Variants in LARP4B observed in about 807,000 individuals in gnomAD.
LARP4B encodes the protein La ribonucleoprotein 4B.
In LARP4B, 12 loss-of-function variants were observed where a neutral mutation model predicts 89.8. The ratio of observed to expected loss-of-function variants is 0.13; its 90% CI spans 0.09 to 0.22. The LOEUF is 0.22. Ranked by LOEUF, LARP4B falls within the 10% of genes least tolerant of loss-of-function variation. LARP4B has a pLI of 1.00. For missense variants in LARP4B, 757 were observed against 947.7 expected, an observed-to-expected ratio of 0.80 and a Z score of 2.64; for synonymous variants, 367 against 363.3, an observed-to-expected ratio of 1.01 and a Z score of -0.12.
the LARP4B span, among the ~76,000 whole-genome samples, chr10:948,405 A>G: frequency 6.6e-6 from 1 of 151,972 alleles, no homozygotes; most frequent in Non-Finnish European, 1.5e-5. Context: ...CACCACCACA[A>G]CTGACTAATT....
the LARP4B span, among the ~76,000 whole-genome samples, chr10:956,977 G>T: frequency 6.6e-6 from 1 of 152,146 alleles, no homozygotes; most frequent in Non-Finnish European, 1.5e-5. This position sits in a 1 kb window ranked among gnomAD's most constrained non-coding sequence, Gnocchi z 4.3. Context: ...GAGACGCGGT[G>T]AACAGTTTGC....
At chr10:825,704 C>A in intron 12 of LARP4B, 60 bp downstream of exon 12, 1 of 1,135,646 alleles carries the variant, frequency 8.8e-7, no homozygotes, top group East Asian at 2.4e-5. Flanking sequence ...CTCTCTCATC[C>A]CAACTCCGGA....
At chr10:846,035 T>C (rs1336345823) in intron 5 of LARP4B, among the ~76,000 whole-genome samples, 1 of 152,068 alleles carries the variant, frequency 6.6e-6, no homozygotes, top group Non-Finnish European at 1.5e-5. Flanking sequence ...AAACCAAAAC[T>C]GCTAAAGTAA....
chr10:955,915 C>G, the LARP4B span, among the ~76,000 whole-genome samples: 1 of 152,148 alleles, frequency 6.6e-6, no homozygotes, highest in South Asian at 2.1e-4. This position sits in a 1 kb window ranked among gnomAD's most constrained non-coding sequence, Gnocchi z 5.2. Flanking sequence ...ACTGTTTCCC[C>G]TCTCACGCCC....
At chr10:971,129 A>AT in the LARP4B span, 2 of 152,290 alleles carry the variant, frequency 1.3e-5, no homozygotes, top group East Asian at 1.9e-4. Flanking sequence ...TTGGAACAGA[A>AT]TTTTTTCCTC....
intron 1 of LARP4B, among the ~76,000 whole-genome samples, chr10:895,824 G>A (rs572003413): frequency 1.3e-5 from 2 of 152,210 alleles, no homozygotes; most frequent in Admixed American, 1.3e-4. Flanking sequence ...AATTTTATAA[G>A]TACGTAAAAA....
Position 829,693 on chromosome 10 carries a change from T to C in LARP4B, c.903A>G (p.Gly301=). Residue 301 remains glycine (G), a synonymous_variant, in exon 10 of 18, where the codon GGA becomes GGG. Coordinates refer to ENST00000316157, the MANE Select transcript of LARP4B (RefSeq NM_015155.3). ...TGGTCTTGCTTACCTTAATTGGTTT[T>C]CCTTGAAAAGTTTTGACTTCTTCTC... is the stretch of plus-strand genomic sequence containing the variant. ...YLREEVKTFQ[G]KPIKARIKAK... The C allele has an allele frequency of 6.2e-7, 1 of 1,612,942 alleles. No homozygotes were observed. Among genetic ancestry groups the C allele is most frequent in the Non-Finnish European group, 8.5e-7 (1 of 1,178,988 alleles).
chr10:815,323 T>A, intron 15 of LARP4B: 1 of 319,026 alleles, frequency 3.1e-6, no homozygotes, highest in Non-Finnish European at 5.7e-6. Context: ...CCCGCAATGA[T>A]GATCTACAAG....
intron 1 of LARP4B, among the ~76,000 whole-genome samples, chr10:915,600 C>T (rs916175840): frequency 6.6e-5 from 10 of 152,156 alleles, no homozygotes; most frequent in African/African-American, 1.4e-4. Flanking sequence ...GTCAGGAGAT[C>T]GAGACCATCC....
At chr10:958,366 C>T in the LARP4B span, among the ~76,000 whole-genome samples, 807 of 152,332 alleles carry the variant, frequency 5.3e-3, 2 homozygotes, top group African/African-American at 0.017. Context: ...CACCTTGTTC[C>T]TCACGCTCAG....
intron 1 of LARP4B, among the ~76,000 whole-genome samples, chr10:893,044 G>A (rs1836081092): frequency 6.6e-6 from 1 of 151,208 alleles, no homozygotes. Flanking sequence ...CTGAATAGCT[G>A]GGATTACAGG....
intron 5 of LARP4B, among the ~76,000 whole-genome samples, chr10:863,374 C>A (rs189201425): frequency 6.6e-6 from 1 of 152,254 alleles, no homozygotes; most frequent in African/African-American, 2.4e-5. Context: ...AGGCGCCCGC[C>A]ACCACGCCCA....
the LARP4B span, among the ~76,000 whole-genome samples, chr10:975,049 C>T: frequency 6.6e-6 from 1 of 152,234 alleles, no homozygotes; most frequent in African/African-American, 2.4e-5. Context: ...TGTGTGTCCA[C>T]TAGTCACCAC....
intron 3 of LARP4B, among the ~76,000 whole-genome samples, chr10:876,782 C>A (rs1357009485): frequency 6.6e-6 from 1 of 152,200 alleles, no homozygotes; most frequent in Non-Finnish European, 1.5e-5. Flanking sequence ...TTTCTGCTTG[C>A]CATTGCCCGA....
intron 5 of LARP4B, among the ~76,000 whole-genome samples, chr10:857,339 T>C (rs578143850): frequency 2.0e-5 from 3 of 151,934 alleles, no homozygotes; most frequent in Admixed American, 6.6e-5. Flanking sequence ...CTGTGAGAGA[T>C]GAAAACTACT....
At chr10:956,556 A>G in the LARP4B span, among the ~76,000 whole-genome samples, 3 of 152,106 alleles carry the variant, frequency 2.0e-5, no homozygotes, top group African/African-American at 7.2e-5. This position sits in a 1 kb window ranked among gnomAD's most constrained non-coding sequence, Gnocchi z 4.3. Context: ...CGTGTTAGCC[A>G]GGATGGTCTC....
At chr10:910,443 G>A (rs1836637285) in intron 1 of LARP4B, among the ~76,000 whole-genome samples, 1 of 152,170 alleles carries the variant, frequency 6.6e-6, no homozygotes, top group Non-Finnish European at 1.5e-5. Context: ...AGTGGCGCTG[G>A]GAACCAGTGT....
At chr10:945,432 A>G in the LARP4B span, among the ~76,000 whole-genome samples, 7 of 151,214 alleles carry the variant, frequency 4.6e-5, no homozygotes, top group African/African-American at 1.2e-4. Context: ...CACACCTGTA[A>G]TCCCAGCACT....
At chr10:981,765 T>A in the LARP4B span, among the ~76,000 whole-genome samples, 5 of 152,128 alleles carry the variant, frequency 3.3e-5, no homozygotes, top group African/African-American at 1.2e-4. Flanking sequence ...ATATGGGGTT[T>A]CATATCTTGG....
Sources: gnomAD v4.1 joint callset for allele counts (sites outside exome capture counted in the v4.1 genomes callset) on GRCh38, gnomAD v4.1.1 for gene constraint, Gnocchi (gnomAD v3.1) non-coding constraint, MANE v1.5 for transcripts, NCBI Gene and HGNC (gene_info 2026-07-23, HGNC 2026-07-21) for gene names.